Variants in MOB3B observed in about 807,000 individuals in gnomAD.
MOB3B encodes MOB kinase activator 3B.
A neutral mutation model predicts 18.7 loss-of-function variants in MOB3B; 7 were observed. That is an observed-to-expected ratio of 0.37 (90% CI 0.21 to 0.70). The LOEUF (loss-of-function observed/expected upper bound fraction) is 0.70, where lower values mean the gene tolerates loss of function less well. Ranked by LOEUF, MOB3B falls within the 30% of genes least tolerant of loss-of-function variation. MOB3B has a pLI of 0.52. For missense variants in MOB3B, 253 were observed against 281.3 expected, an observed-to-expected ratio of 0.90 and a Z score of 0.72; for synonymous variants, 111 against 99.9, an observed-to-expected ratio of 1.11 and a Z score of -0.66.
intron 1 of MOB3B, among the ~76,000 whole-genome samples, chr9:27,472,678 TAAAA>T (rs56092176): frequency 0.22 from 21,831 of 98,880 alleles, 2,175 homozygotes; most frequent in Non-Finnish European, 0.26. Context: ...CACTTTATTC[TAAAA>T]AAAAAAAAAA....
rs558972602 is a variant in MOB3B, at chr9:27,490,019, C to G, written c.-198-34271G>C. ...AGAGCCAATGTGCCTCTTTTGCCCA[C>G]TGTTTTGAAATGGTGATGCAGCCAA... On this transcript the variant is annotated intron_variant, in intron 1 of 3. Transcript: ENST00000262244. Among the ~76,000 whole-genome samples the G allele has an allele frequency of 1.4e-3, 212 of 152,252 alleles. 1 individual carries two copies. The highest frequency in any genetic ancestry group is 2.6e-3 in the Non-Finnish European group (179 of 68,018).
intron 2 of MOB3B, among the ~76,000 whole-genome samples, chr9:27,384,993 G>T (rs1821630469): frequency 6.6e-6 from 1 of 152,158 alleles, no homozygotes; most frequent in African/African-American, 2.4e-5. Flanking sequence ...GAGGAAGCAG[G>T]ATGAACATTT....
At chr9:27,516,719 T>C (rs1336318462) in intron 1 of MOB3B, among the ~76,000 whole-genome samples, 1 of 152,236 alleles carries the variant, frequency 6.6e-6, no homozygotes, top group African/African-American at 2.4e-5. Context: ...TTCTTAGGGT[T>C]CTGACACAGA....
At chr9:27,340,579 A>T in intron 3 of MOB3B, among the ~76,000 whole-genome samples, 1 of 150,532 alleles carries the variant, frequency 6.6e-6, no homozygotes, top group Middle Eastern at 3.2e-3. Context: ...CCCGCAGCCC[A>T]CCCCTCATTC....
intron 1 of MOB3B, among the ~76,000 whole-genome samples, chr9:27,462,866 A>G (rs1381902621): frequency 1.3e-5 from 2 of 152,180 alleles, no homozygotes; most frequent in African/African-American, 4.8e-5. Context: ...AGAACACAAA[A>G]TGGGCAAGAA....
At chr9:27,332,451 T>C (rs758319117) in intron 3 of MOB3B, among the ~76,000 whole-genome samples, 21 of 152,200 alleles carry the variant, frequency 1.4e-4, no homozygotes, top group Non-Finnish European at 2.8e-4. Flanking sequence ...TTATTTGCAA[T>C]AGGTCTGTAC....
chr9:27,410,440 A>G (rs984606442), intron 2 of MOB3B, among the ~76,000 whole-genome samples: 6 of 152,216 alleles, frequency 3.9e-5, no homozygotes, highest in Admixed American at 1.3e-4. Flanking sequence ...AGATAGACCT[A>G]TAAGAAAATT....
Position 27,455,529 on chromosome 9 carries a change from C to A in MOB3B, c.22G>T (p.Val8Leu). The A allele has an allele frequency of 6.2e-7, 1 of 1,614,130 alleles. No individual in the cohort carries two copies. Among genetic ancestry groups the A allele is most frequent in the Non-Finnish European group, 8.5e-7 (1 of 1,180,012 alleles). The change falls in exon 2 of 4, where the codon GTA (valine) becomes TTA (leucine). Residue 8 changes from valine (V) to leucine (L), a missense_variant. By Grantham distance (32) the Val-to-Leu change is conservative (BLOSUM62 1). Transcript: ENST00000262244. The part of the protein sequence containing the change: MSIALKQ[V>L]FNKDKTFRPK... ...CGGAAGGTCTTGTCCTTGTTGAATA[C>A]CTGCTTCAGGGCTATGGACATGGTC...
chr9:27,356,615 T>C (rs1177853132), intron 3 of MOB3B, among the ~76,000 whole-genome samples: 1 of 152,192 alleles, frequency 6.6e-6, no homozygotes, highest in Non-Finnish European at 1.5e-5. Flanking sequence ...GTGTTTCTGA[T>C]CCCTTAGCTC....
chr9:27,333,138 T>A (rs1448312793), intron 3 of MOB3B, among the ~76,000 whole-genome samples: 2 of 151,994 alleles, frequency 1.3e-5, no homozygotes, highest in Non-Finnish European at 2.9e-5. Context: ...AGAGTAACAG[T>A]TTCAGAGAGG....
intron 1 of MOB3B, among the ~76,000 whole-genome samples, chr9:27,458,886 T>C (rs1819233096): frequency 6.6e-6 from 1 of 151,940 alleles, no homozygotes; most frequent in Non-Finnish European, 1.5e-5. Flanking sequence ...GAGACTCAGA[T>C]CTCCTAGTGC....
intron 2 of MOB3B, among the ~76,000 whole-genome samples, chr9:27,413,756 A>G (rs1822108418): frequency 6.6e-6 from 1 of 152,212 alleles, no homozygotes; most frequent in Non-Finnish European, 1.5e-5. Flanking sequence ...GGGACAGAGG[A>G]AAGTATTAAG....
chr9:27,388,953 C>T (rs566194069), intron 2 of MOB3B, among the ~76,000 whole-genome samples: 60 of 152,298 alleles, frequency 3.9e-4, no homozygotes, highest in African/African-American at 1.4e-3. Context: ...CTGTAAACAA[C>T]TTTCTGAATA....
chr9:27,445,286 T>A (rs1018875248), intron 2 of MOB3B, among the ~76,000 whole-genome samples: 1 of 152,148 alleles, frequency 6.6e-6, no homozygotes, highest in African/African-American at 2.4e-5. Flanking sequence ...ATTATTATTT[T>A]TCCCACGTCA....
At chr9:27,529,124 C>T (rs1423099382) in intron 1 of MOB3B, among the ~76,000 whole-genome samples, 2 of 152,254 alleles carry the variant, frequency 1.3e-5, no homozygotes, top group African/African-American at 2.4e-5. Context: ...GCGTTGTCCC[C>T]CAGCCCAGGC....
chr9:27,503,140 G>C (rs1232840881), intron 1 of MOB3B, among the ~76,000 whole-genome samples: 1 of 152,124 alleles, frequency 6.6e-6, no homozygotes, highest in Non-Finnish European at 1.5e-5. Flanking sequence ...GGGGTGACTA[G>C]ACTGGAGGAA....
chr9:27,520,521 A>G (rs1328686899), intron 1 of MOB3B, among the ~76,000 whole-genome samples: 2 of 152,194 alleles, frequency 1.3e-5, no homozygotes, highest in African/African-American at 4.8e-5. Flanking sequence ...TACATTCAAT[A>G]CCTCTGGCTT....
intron 2 of MOB3B, among the ~76,000 whole-genome samples, chr9:27,419,660 C>T (rs763626253): frequency 4.6e-5 from 7 of 152,224 alleles, no homozygotes; most frequent in African/African-American, 9.6e-5. Context: ...CAACTTAAGA[C>T]GGATTAAAGA....
chr9:27,426,266 G>A (rs887111803), intron 2 of MOB3B, among the ~76,000 whole-genome samples: 7 of 152,200 alleles, frequency 4.6e-5, no homozygotes, highest in African/African-American at 1.7e-4. Context: ...TGTACATTGA[G>A]TGTTACTCAA....
Sources: allele counts gnomAD v4.1 joint callset (sites outside exome capture counted in the v4.1 genomes callset), GRCh38; gene constraint gnomAD v4.1.1; transcripts MANE v1.5; gene names NCBI Gene and HGNC (gene_info 2026-07-23, HGNC 2026-07-21).